SLC8A1: variants seen among roughly 807,000 people sequenced by gnomAD.
The protein encoded by SLC8A1 is sodium/calcium exchanger 1.
In SLC8A1, 18 loss-of-function variants were observed where a neutral mutation model predicts 68.3. That is an observed-to-expected ratio of 0.26 (90% CI 0.18 to 0.39). The LOEUF is 0.39. Ranked by LOEUF, SLC8A1 falls within the 10% of genes least tolerant of loss-of-function variation. The probability of loss-of-function intolerance (pLI) is 1.00; values close to 1 mark genes in which losing one functional copy is unlikely to be tolerated. For synonymous variants in SLC8A1, 475 were observed against 415.5 expected (o/e 1.14, Z -1.74); for missense variants, 985 against 1,156.7 (o/e 0.85, Z 2.15).
intron 7 of SLC8A1, among the ~76,000 whole-genome samples, chr2:40,124,029 C>A (rs910137446): frequency 6.6e-6 from 1 of 152,162 alleles, no homozygotes; most frequent in African/African-American, 2.4e-5. Context: ...TCTGGAACAT[C>A]CATCTCCTAT....
chr2:40,261,495 C>T (rs62150782), intron 2 of SLC8A1, among the ~76,000 whole-genome samples: 4,912 of 152,236 alleles, frequency 0.032, 100 homozygotes, highest in Non-Finnish European at 0.05. Flanking sequence ...AAATTTTAGG[C>T]TGTTTTGGGT....
chr2:40,438,949 C>T (rs905676561), intron 1 of SLC8A1, among the ~76,000 whole-genome samples: 9 of 152,132 alleles, frequency 5.9e-5, no homozygotes, highest in African/African-American at 2.2e-4. Context: ...ACTGGAAGTG[C>T]GTGTCTGAAA....
At chr2:40,187,034 G>C (rs529103022) in intron 2 of SLC8A1, among the ~76,000 whole-genome samples, 46 of 152,348 alleles carry the variant, frequency 3.0e-4, no homozygotes, top group African/African-American at 1.1e-3. Flanking sequence ...TGTTTACCCA[G>C]TTACTAAAAG....
intron 2 of SLC8A1, among the ~76,000 whole-genome samples, chr2:40,419,728 G>T (rs186580243): frequency 6.6e-6 from 1 of 152,048 alleles, no homozygotes; most frequent in African/African-American, 2.4e-5. Flanking sequence ...CTTTAATTGC[G>T]CCCTAAGAAT....
At chr2:40,353,410 C>T (rs1415214360) in intron 2 of SLC8A1, among the ~76,000 whole-genome samples, 3 of 152,094 alleles carry the variant, frequency 2.0e-5, no homozygotes, top group Non-Finnish European at 4.4e-5. Flanking sequence ...TCCTGTTCTC[C>T]GCAGGCTCTC....
chr2:40,334,090 G>A (rs564039096), intron 2 of SLC8A1, among the ~76,000 whole-genome samples: 2 of 152,250 alleles, frequency 1.3e-5, no homozygotes, highest in Admixed American at 6.5e-5. Flanking sequence ...GCATTATCAT[G>A]TATATCCATT....
chr2:40,361,207 T>C (rs1369846119), intron 2 of SLC8A1, among the ~76,000 whole-genome samples: 1 of 152,150 alleles, frequency 6.6e-6, no homozygotes, highest in Non-Finnish European at 1.5e-5. Flanking sequence ...AGATACTCTC[T>C]AAGCACACTA....
chr2:40,148,274 C>A (rs764592410), intron 6 of SLC8A1, among the ~76,000 whole-genome samples: 1 of 152,078 alleles, frequency 6.6e-6, no homozygotes, highest in Non-Finnish European at 1.5e-5. Flanking sequence ...ATCCTCTATT[C>A]GTGATTTATT....
At chr2:40,465,286 G>T (rs1239897917) in intron 1 of SLC8A1, among the ~76,000 whole-genome samples, 2 of 151,990 alleles carry the variant, frequency 1.3e-5, no homozygotes, top group East Asian at 3.9e-4. Flanking sequence ...GTTTTACAGG[G>T]CATTCATGTA....
At chr2:40,249,975 G>A (rs1007392616) in intron 2 of SLC8A1, among the ~76,000 whole-genome samples, 1 of 152,096 alleles carries the variant, frequency 6.6e-6, no homozygotes, top group African/African-American at 2.4e-5. Flanking sequence ...AAATCTATTG[G>A]TCTAGGTCTA....
intron 3 of SLC8A1, chr2:40,176,105 A>C: frequency 4.0e-6 from 1 of 248,854 alleles, no homozygotes; most frequent in Non-Finnish European, 8.3e-6. Flanking sequence ...ACTTTATTTT[A>C]GTAAAAGCAA....
At chr2:40,104,067 T>C (rs2034056462) in exon 8 of SLC8A1, 2 of 152,208 alleles carry the variant, frequency 1.3e-5, no homozygotes, top group Non-Finnish European at 2.9e-5. Flanking sequence ...TCTGAAACAA[T>C]TAAAGATTCC....
intron 7 of SLC8A1, among the ~76,000 whole-genome samples, chr2:40,122,210 ACACACACACACACACGTGTGCGCGCG>A (rs1425335828): frequency 2.1e-5 from 3 of 142,796 alleles, no homozygotes; most frequent in African/African-American, 8.1e-5. Flanking sequence ...GCGCGCGCAC[ACACACACACACACACGTGTGCGCGCG>A]CACACACACA....
chr2:40,254,938 G>A (rs1224280859), intron 2 of SLC8A1: 1 of 151,956 alleles, frequency 6.6e-6, no homozygotes, highest in East Asian at 1.9e-4. Flanking sequence ...AAACAGTATA[G>A]GATTGAGCCC....
intron 2 of SLC8A1, chr2:40,209,298 G>A (rs2056121178): frequency 6.6e-6 from 1 of 152,246 alleles, no homozygotes; most frequent in Admixed American, 6.6e-5. Flanking sequence ...ATTTGAAGGG[G>A]AGGCAGGGGC....
chr2:40,356,615 A>C (rs1255882040), intron 2 of SLC8A1, among the ~76,000 whole-genome samples: 1 of 151,508 alleles, frequency 6.6e-6, no homozygotes, highest in East Asian at 1.9e-4. Context: ...AAAAAAAAAA[A>C]CTGCCTGTCA....
rs541362631 is a variant in SLC8A1, at chr2:40,273,252, C to CT, written c.1809-95398dup. ...CACCATGCCTGGCCCTCCAAATACT[C>CT]TTTTTTTTTTTTGTATTTTTAGTAG... On this transcript the variant is annotated intron_variant, in intron 2 of 7. Transcript: ENST00000406785. Among the ~76,000 whole-genome samples the CT allele has an allele frequency of 3.0e-3, 438 of 144,410 alleles. 1 individual carries two copies. The highest frequency in any genetic ancestry group is 0.011 in the South Asian group (50 of 4,520). 94.7% of individuals were successfully genotyped at this position (144,410 alleles called of 152,430 possible). A position where few individuals can be genotyped will look rare whatever the true frequency, so the allele number is the denominator to read the frequency against.
At chr2:40,247,802 A>G (rs1407133358) in intron 2 of SLC8A1, among the ~76,000 whole-genome samples, 1 of 152,214 alleles carries the variant, frequency 6.6e-6, no homozygotes, top group African/African-American at 2.4e-5. Flanking sequence ...TAGAAACCCA[A>G]TATGCACAGA....
chr2:40,315,438 AT>A lies in SLC8A1; in HGVS notation c.1808+113034del, dbSNP rs71406056. On this transcript the variant is annotated intron_variant, in intron 2 of 7. Coordinates refer to ENST00000406785, the Ensembl canonical transcript of SLC8A1. ...TAAATAACCATTTTCTTTCCTAAGA[AT>A]TTTTTTTTTTTTTTTTGGAATTTCA... Among the ~76,000 whole-genome samples the A allele has an allele frequency of 7.6e-3, 1,045 of 138,252 alleles. 2 individuals are homozygous for A. Among genetic ancestry groups the A allele is most frequent in the East Asian group, 0.028 (129 of 4,662 alleles). 90.7% of individuals were successfully genotyped at this position (138,252 alleles called of 152,430 possible).
Sources: allele counts gnomAD v4.1 joint callset (sites outside exome capture counted in the v4.1 genomes callset), GRCh38; gene constraint gnomAD v4.1.1; transcripts MANE v1.5; gene names NCBI Gene and HGNC (gene_info 2026-07-23, HGNC 2026-07-21).